The following CPD variants were observed in gnomAD, a reference collection of about 807,000 sequenced individuals.
CPD encodes metallocarboxypeptidase D.
Under a neutral mutation model 138.3 loss-of-function variants are expected in CPD, and 69 were observed. The ratio of observed to expected loss-of-function variants is 0.50; its 90% CI spans 0.41 to 0.61. CPD has a LOEUF of 0.61. Ranked by LOEUF, CPD falls within the 20% of genes least tolerant of loss-of-function variation. The pLI is 0.00. For synonymous variants in CPD, 651 were observed against 642.1 expected (o/e 1.01, Z -0.21); for missense variants, 1,432 against 1,733.3 (o/e 0.83, Z 3.09).
intron 2 of CPD, among the ~76,000 whole-genome samples, chr17:30,396,694 G>A (rs1365622575): frequency 2.0e-5 from 3 of 152,166 alleles, no homozygotes; most frequent in Admixed American, 6.5e-5. Context: ...GTAACAATTA[G>A]CATTGGTATT....
intron 9 of CPD, among the ~76,000 whole-genome samples, chr17:30,439,394 C>CTTTTTTTTTTTTTTTTT (rs71138889): frequency 4.0e-5 from 5 of 124,670 alleles, no homozygotes; most frequent in African/African-American, 9.2e-5. Context: ...ACGTTACTTT[C>CTTTTTTTTTTTTTTTTT]TTTTTTTTTT....
intron 4 of CPD, 81 bp downstream of exon 4, chr17:30,421,914 C>A: frequency 9.5e-7 from 1 of 1,052,326 alleles, no homozygotes; most frequent in Non-Finnish European, 1.4e-6. Flanking sequence ...TAGTCTAGTA[C>A]ATGTTGTTTA....
At chr17:30,437,550 G>A (rs879366603) in intron 8 of CPD, among the ~76,000 whole-genome samples, 7 of 151,850 alleles carry the variant, frequency 4.6e-5, no homozygotes, top group Admixed American at 2.6e-4. Context: ...CCAGGTGTGT[G>A]GGTGCATGCC....
chr17:30,430,549 G>A (rs903490167), intron 7 of CPD, among the ~76,000 whole-genome samples: 4 of 152,040 alleles, frequency 2.6e-5, no homozygotes, highest in African/African-American at 4.8e-5. Flanking sequence ...ATCCATTTAC[G>A]TACTGATGGA....
chr17:30,422,472 G>A (rs1912291112), intron 4 of CPD, among the ~76,000 whole-genome samples: 1 of 152,120 alleles, frequency 6.6e-6, no homozygotes, highest in Admixed American at 6.6e-5. Flanking sequence ...AGAAGATTTG[G>A]TGAGAGAAAT....
intron 11 of CPD, 28 bp from the exon 12 acceptor site, chr17:30,445,663 T>C: frequency 6.7e-7 from 1 of 1,497,068 alleles, no homozygotes; most frequent in South Asian, 1.3e-5. Flanking sequence ...TGCAGGAGTG[T>C]GGTTCTGATC....
chr17:30,378,958 G>C lies in CPD; in HGVS notation c.-23G>C, dbSNP rs761501618. On this transcript the variant is annotated 5_prime_UTR_variant, in exon 1 of 21. Transcript: ENST00000225719. ...AGCGCTGAGCCGCGGGAGCGGAGCC[G>C]GGGTTAGCGGCGCTGCTGGAAGATG... 1.2e-4 allele frequency: 169 copies of C among 1,469,208 alleles called. No homozygotes were observed. Among genetic ancestry groups the C allele is most frequent in the African/African-American group, 2.4e-4 (16 of 67,260 alleles). The allele number at this position is 1,469,208 out of a possible 1,614,324, so 91.0% of individuals were successfully genotyped here.
chr17:30,456,596 C>A, intron 17 of CPD, 70 bp downstream of exon 17: 1 of 1,471,772 alleles, frequency 6.8e-7, no homozygotes, highest in Non-Finnish European at 9.5e-7. Flanking sequence ...AAACCCAGTG[C>A]TTTGGGAGGC....
At chr17:30,427,199 C>T (rs948518941) in intron 6 of CPD, among the ~76,000 whole-genome samples, 192 bp from the exon 7 acceptor site, 4 of 149,436 alleles carry the variant, frequency 2.7e-5, no homozygotes, top group Admixed American at 6.7e-5. Context: ...AAAAAAAAGG[C>T]GGAGTCAACC....
In CPD at chr17:30,449,759, A is replaced by G. The variant is rs1279775846; in HGVS notation, c.3069+11A>G. ...CCAGCTGTTACCCAAGTAAGAGAAT[A>G]GCCGAGGTTGACATGCTTTAAAAGG... On this transcript the variant is annotated intron_variant, in intron 13 of 20. Coordinates refer to ENST00000225719, the MANE Select transcript of CPD (RefSeq NM_001304.5). 5 of 1,538,582 alleles carry G rather than the reference A, an allele frequency of 3.2e-6. No individual in the cohort carries two copies. Among genetic ancestry groups the G allele is most frequent in the African/African-American group, 1.4e-5 (1 of 70,464 alleles).
At chr17:30,434,926 A>T (rs1312911052) in intron 8 of CPD, among the ~76,000 whole-genome samples, 10 of 152,152 alleles carry the variant, frequency 6.6e-5, no homozygotes, top group Non-Finnish European at 4.4e-5. Context: ...TCCATGGAAA[A>T]TGATTGCAGA....
At chr17:30,456,418 A>G (rs1275892149) in intron 16 of CPD, 44 bp from the exon 17 acceptor site, 5 of 1,608,680 alleles carry the variant, frequency 3.1e-6, no homozygotes, top group Non-Finnish European at 4.3e-6. Context: ...AAGGAGTTTC[A>G]CCTTAAGGTC....
rs191063130 is a variant in CPD, at chr17:30,442,571, A to G, written c.2373+121A>G. 12 of 914,358 alleles carry G rather than the reference A, an allele frequency of 1.3e-5. No homozygotes were observed. The East Asian group carries it at 2.7e-4, about 20-fold the overall frequency. The allele number at this position is 914,358 out of a possible 1,614,324, so 56.6% of individuals were successfully genotyped here. On this transcript the variant is annotated intron_variant, in intron 10 of 20. Coordinates refer to ENST00000225719, the MANE Select transcript of CPD (RefSeq NM_001304.5). The stretch of plus-strand genomic sequence containing the variant: ...CTTTAAAATTTCAATTCATTTTAGT[A>G]TATTTAACCAGTTTGTATATTCCAA...
chr17:30,455,291 C>T, intron 14 of CPD, 48 bp from the exon 15 acceptor site: 1 of 1,495,426 alleles, frequency 6.7e-7, no homozygotes, highest in Non-Finnish European at 9.1e-7. Flanking sequence ...GATACTCATA[C>T]TAAGATTTAA....
At position 30,455,972 on chromosome 17, in the gene CPD, C is replaced by T. The variant is rs7218318; in HGVS notation, c.3338-284C>T. The T allele has an allele frequency of 6.0e-3, 2,238 of 374,762 alleles. 41 individuals are homozygous for T. Among genetic ancestry groups the T allele is most frequent in the African/African-American group, 0.044 (2,080 of 47,668 alleles). The allele number at this position is 374,762 out of a possible 1,614,324, so 23.2% of individuals were successfully genotyped here. On this transcript the variant is annotated intron_variant, in intron 15 of 20. Coordinates refer to ENST00000225719, the MANE Select transcript of CPD (RefSeq NM_001304.5). ...TACAAAGAATATTGTTATTAGGCTA[C>T]AGTTGTCCCAAAATGCAGTAAGACA...
At chr17:30,417,849 C>T (rs900847224) in intron 2 of CPD, among the ~76,000 whole-genome samples, 3 of 152,110 alleles carry the variant, frequency 2.0e-5, no homozygotes, top group South Asian at 2.1e-4. Context: ...TGGAAAGCCA[C>T]GGAAAACTTT....
At chr17:30,395,475 A>G (rs931073174) in intron 2 of CPD, among the ~76,000 whole-genome samples, 11 of 152,234 alleles carry the variant, frequency 7.2e-5, no homozygotes, top group African/African-American at 2.6e-4. Context: ...ATACTCCAAA[A>G]CAGAATATTT....
chr17:30,437,431 T>C (rs1253509843), intron 8 of CPD, among the ~76,000 whole-genome samples: 2 of 152,114 alleles, frequency 1.3e-5, no homozygotes, highest in African/African-American at 4.8e-5. Context: ...ACACCTGTAA[T>C]CTCAACACTT....
intron 2 of CPD, among the ~76,000 whole-genome samples, chr17:30,387,341 A>T (rs1388748951): frequency 6.6e-6 from 1 of 151,930 alleles, no homozygotes; most frequent in African/African-American, 2.4e-5. Context: ...CTGGTCTCGA[A>T]CTCCTGACCT....
Sources: allele counts gnomAD v4.1 joint callset (sites outside exome capture counted in the v4.1 genomes callset), GRCh38; gene constraint gnomAD v4.1.1; transcripts MANE v1.5; gene names NCBI Gene and HGNC (gene_info 2026-07-23, HGNC 2026-07-21).